The following GRM1 variants were observed in gnomAD, a reference collection of about 807,000 sequenced individuals.
GRM1 encodes glutamate metabotropic receptor 1.
In GRM1, 33 loss-of-function variants were observed where a neutral mutation model predicts 90.9. The ratio of observed to expected loss-of-function variants is 0.36; its 90% CI spans 0.28 to 0.49. GRM1 has a LOEUF of 0.49. Among genes scored for constraint, GRM1 ranks in the 20% least tolerant of loss-of-function variants. The probability of loss-of-function intolerance (pLI) is 0.99; values close to 1 mark genes in which losing one functional copy is unlikely to be tolerated. For missense variants in GRM1, 1,190 were observed against 1,534.3 expected (o/e 0.78, Z 3.75); for synonymous variants, 700 against 613.2 (o/e 1.14, Z -2.09).
chr6:146,294,991 T>A (rs1010101781), intron 2 of GRM1, among the ~76,000 whole-genome samples: 24 of 152,228 alleles, frequency 1.6e-4, no homozygotes, highest in East Asian at 3.9e-4. Context: ...TCTGTTTTTT[T>A]TTAACCTGTG....
intron 6 of GRM1, 43 bp downstream of exon 6, chr6:146,387,059 C>A (rs768560644): frequency 1.3e-6 from 2 of 1,593,834 alleles, no homozygotes; most frequent in Non-Finnish European, 1.7e-6. Flanking sequence ...TCACTATTTG[C>A]CTTTCCAATG....
intron 3 of GRM1, among the ~76,000 whole-genome samples, chr6:146,319,311 C>A (rs913233345): frequency 6.6e-6 from 1 of 152,130 alleles, no homozygotes; most frequent in African/African-American, 2.4e-5. Flanking sequence ...GGCCTATGTT[C>A]TGTTCCATTG....
chr6:146,408,852 A>T (rs538605327), intron 7 of GRM1, among the ~76,000 whole-genome samples: 1 of 152,240 alleles, frequency 6.6e-6, no homozygotes, highest in East Asian at 1.9e-4. Context: ...GTCCAGTGTA[A>T]AGTGTTATCA....
chr6:146,306,957 C>A (rs753042995), intron 3 of GRM1, among the ~76,000 whole-genome samples: 2 of 152,098 alleles, frequency 1.3e-5, no homozygotes, highest in Non-Finnish European at 2.9e-5. Context: ...TGATGGTGGT[C>A]CAACTACAGA....
chr6:146,350,786 T>C (rs1785377647), intron 3 of GRM1, among the ~76,000 whole-genome samples: 1 of 152,246 alleles, frequency 6.6e-6, no homozygotes, highest in Non-Finnish European at 1.5e-5. Flanking sequence ...CCTTCCTCTA[T>C]CTTACTCCTC....
chr6:146,109,759 C>G (rs769825608), intron 1 of GRM1, among the ~76,000 whole-genome samples: 2 of 152,214 alleles, frequency 1.3e-5, no homozygotes, highest in Non-Finnish European at 2.9e-5. Context: ...AGGCTGTACC[C>G]TGCAAAGCTA....
At chr6:146,420,334 A>T (rs991431226) in intron 7 of GRM1, among the ~76,000 whole-genome samples, 20 of 152,226 alleles carry the variant, frequency 1.3e-4, no homozygotes, top group African/African-American at 4.8e-4. Flanking sequence ...AAATAGAAAA[A>T]TCTTTAAAAA....
At chr6:146,334,279 G>T (rs147152513) in intron 3 of GRM1, among the ~76,000 whole-genome samples, 25 of 152,288 alleles carry the variant, frequency 1.6e-4, no homozygotes, top group African/African-American at 5.8e-4. Flanking sequence ...GCAGAACCTG[G>T]CAGCCTACTG....
chr6:146,293,027 G>T lies in GRM1; in HGVS notation c.951-11584G>T, dbSNP rs117608008. On this transcript the variant is annotated intron_variant, in intron 2 of 7. Coordinates refer to ENST00000282753, the MANE Select transcript of GRM1 (RefSeq NM_001278064.2). ...AAAGAAGCTGGATGCAAAAGTTCAT[G>T]TATTGTGTGATTACATTTGCATATG... Among the ~76,000 whole-genome samples, 8 of 152,114 alleles carry T rather than the reference G, an allele frequency of 5.3e-5. No homozygotes were observed. The East Asian group carries it at 1.5e-3, about 29-fold the overall frequency.
At chr6:146,382,552 G>A (rs900912293) in intron 5 of GRM1, among the ~76,000 whole-genome samples, 4 of 152,004 alleles carry the variant, frequency 2.6e-5, no homozygotes, top group Non-Finnish European at 5.9e-5. Flanking sequence ...GTTTTATGTA[G>A]GAAAGATGAC....
At chr6:146,400,225 C>T (rs1332081510) in intron 7 of GRM1, among the ~76,000 whole-genome samples, 1 of 152,142 alleles carries the variant, frequency 6.6e-6, no homozygotes, top group East Asian at 1.9e-4. Context: ...CACTACTGAG[C>T]ACCAAGTATG....
At chr6:146,104,470 T>C (rs1365138033) in intron 1 of GRM1, among the ~76,000 whole-genome samples, 4 of 150,248 alleles carry the variant, frequency 2.7e-5, no homozygotes, top group Admixed American at 2.0e-4. Context: ...AAAGAAGGAA[T>C]GGTTGCCTAG....
At chr6:146,232,805 G>C (rs1290100114) in intron 2 of GRM1, among the ~76,000 whole-genome samples, 1 of 151,844 alleles carries the variant, frequency 6.6e-6, no homozygotes, top group Non-Finnish European at 1.5e-5. Flanking sequence ...ATGTACTGGG[G>C]GTTGGGACTC....
chr6:146,067,872 A>C (rs1284917619), intron 1 of GRM1, among the ~76,000 whole-genome samples: 1 of 152,188 alleles, frequency 6.6e-6, no homozygotes, highest in Non-Finnish European at 1.5e-5. Flanking sequence ...GACGTGATAA[A>C]ATGAAATATA....
intron 1 of GRM1, among the ~76,000 whole-genome samples, chr6:146,117,736 A>G (rs1203923979): frequency 6.6e-6 from 1 of 152,114 alleles, no homozygotes; most frequent in Admixed American, 6.5e-5. Context: ...AAAGCTCAAT[A>G]TCTATAGCCT....
intron 6 of GRM1, among the ~76,000 whole-genome samples, chr6:146,389,169 C>T (rs1321811324): frequency 6.6e-6 from 1 of 152,038 alleles, no homozygotes; most frequent in Non-Finnish European, 1.5e-5. Flanking sequence ...GGTTTACTGA[C>T]AGTCATTCCA....
intron 1 of GRM1, among the ~76,000 whole-genome samples, chr6:146,067,443 G>T (rs1053165799): frequency 6.6e-6 from 1 of 152,110 alleles, no homozygotes; most frequent in African/African-American, 2.4e-5. Context: ...GTAATTTAGA[G>T]AGTCAATTAC....
chr6:146,219,178 A>G (rs1335946734), intron 2 of GRM1, among the ~76,000 whole-genome samples: 2 of 152,180 alleles, frequency 1.3e-5, no homozygotes, highest in African/African-American at 4.8e-5. Context: ...CAAGATCTGG[A>G]TGAATTTGAA....
intron 1 of GRM1, among the ~76,000 whole-genome samples, chr6:146,120,982 C>G (rs1486000717): frequency 6.6e-6 from 1 of 152,086 alleles, no homozygotes; most frequent in African/African-American, 2.4e-5. Context: ...CCCTCTTTTT[C>G]TATTGATTGG....
Sources: allele counts gnomAD v4.1 joint callset (sites outside exome capture counted in the v4.1 genomes callset), GRCh38; gene constraint gnomAD v4.1.1; transcripts MANE v1.5; gene names NCBI Gene and HGNC (gene_info 2026-07-23, HGNC 2026-07-21).